The following ARRB1 variants were observed in gnomAD, a reference collection of about 807,000 sequenced individuals.
ARRB1 encodes the protein arrestin beta 1.
A neutral mutation model predicts 56.8 loss-of-function variants in ARRB1; 21 were observed. The observed-to-expected ratio is 0.37, with a 90% CI of 0.26 to 0.53. The LOEUF (loss-of-function observed/expected upper bound fraction) is 0.53, where lower values mean the gene tolerates loss of function less well. Ranked by LOEUF, ARRB1 falls within the 20% of genes least tolerant of loss-of-function variation. The pLI, the probability that ARRB1 is intolerant of heterozygous loss-of-function variation, is 0.88. For missense variants in ARRB1, 424 were observed against 553.7 expected (o/e 0.77, Z 2.35); for synonymous variants, 210 against 218.6 (o/e 0.96, Z 0.35).
At position 75,329,064 on chromosome 11, in the gene ARRB1, G is replaced by T. The variant is rs1947481112; in HGVS notation, c.20+22524C>A. The stretch of plus-strand genomic sequence containing the variant: ...ACACACTAGAAACAGCACTTCGCTG[G>T]GACCATTCCTTCCTGCTGTGTAACT... On this transcript the variant is annotated intron_variant, in intron 1 of 15. Transcript: ENST00000420843. 2.0e-5 allele frequency among the ~76,000 whole-genome samples: 3 copies of T among 151,820 alleles called. No homozygotes were observed. The South Asian group carries it at 6.2e-4, about 32-fold the overall frequency.
At chr11:75,283,092 G>A (rs1946385904) in intron 5 of ARRB1, among the ~76,000 whole-genome samples, 195 bp downstream of exon 5, 1 of 152,180 alleles carries the variant, frequency 6.6e-6, no homozygotes, top group Non-Finnish European at 1.5e-5. Flanking sequence ...AAAGGTACAG[G>A]TGACAAACCC....
At chr11:75,330,494 G>A (rs1200988954) in intron 1 of ARRB1, among the ~76,000 whole-genome samples, 1 of 152,184 alleles carries the variant, frequency 6.6e-6, no homozygotes, top group Non-Finnish European at 1.5e-5. Flanking sequence ...GCCTCCTAAG[G>A]ACAAGTTATT....
intron 1 of ARRB1, among the ~76,000 whole-genome samples, chr11:75,293,859 T>A (rs962373100): frequency 6.6e-6 from 1 of 152,146 alleles, no homozygotes; most frequent in Non-Finnish European, 1.5e-5. Flanking sequence ...TCTCTGCACC[T>A]CTCCTCCCGG....
chr11:75,276,959 C>A (rs1480967836), intron 9 of ARRB1, 48 bp from the exon 10 acceptor site: 1 of 1,592,494 alleles, frequency 6.3e-7, no homozygotes, highest in South Asian at 1.1e-5. Flanking sequence ...AATGTAGCTC[C>A]CATGGAGTCT....
intron 1 of ARRB1, among the ~76,000 whole-genome samples, chr11:75,310,284 G>A (rs754561830): frequency 2.1e-4 from 32 of 152,158 alleles, no homozygotes; most frequent in Non-Finnish European, 4.0e-4. Context: ...AAAGGCCAAC[G>A]TCTGTATGCG....
intron 1 of ARRB1, among the ~76,000 whole-genome samples, chr11:75,342,531 T>C (rs148910513): frequency 1.4e-4 from 22 of 152,274 alleles, no homozygotes; most frequent in African/African-American, 4.8e-4. Context: ...AGCTCCTTGA[T>C]CACCGGTGGG....
At chr11:75,276,704 T>C (rs1361939636) in intron 10 of ARRB1, 135 bp downstream of exon 10, 3 of 761,806 alleles carry the variant, frequency 3.9e-6, no homozygotes, top group Non-Finnish European at 6.5e-6. Flanking sequence ...TCATCTACTC[T>C]GAGTGGCAAG....
At chr11:75,326,049 A>G (rs1947428459) in intron 1 of ARRB1, among the ~76,000 whole-genome samples, 1 of 152,188 alleles carries the variant, frequency 6.6e-6, no homozygotes, top group Non-Finnish European at 1.5e-5. Context: ...CCTCAAACCT[A>G]GGGCACCAGC....
At chr11:75,327,301 CAA>C (rs777940901) in intron 1 of ARRB1, among the ~76,000 whole-genome samples, 23 of 60,264 alleles carry the variant, frequency 3.8e-4, no homozygotes, top group African/African-American at 1.2e-3. Flanking sequence ...AACTCCATCT[CAA>C]AAAAAAAAAA....
intron 15 of ARRB1, among the ~76,000 whole-genome samples, chr11:75,266,957 C>T (rs969110678): frequency 2.6e-5 from 4 of 152,140 alleles, no homozygotes; most frequent in Admixed American, 6.5e-5. Flanking sequence ...TTAAGAACAG[C>T]GAGTTCCCTT....
At position 75,266,267 on chromosome 11, in the gene ARRB1, C is replaced by T. The variant is rs1363127351; in HGVS notation, c.1153G>A (p.Asp385Asn). ...CGAGCAAAGTCCTCAAATACAATGT[C>T]GTCATCACTGGTGGGAGAGACAAGG... ...NLIELDTNDDDIVFEDFARQR... is the reference protein window; with the variant it reads ...NLIELDTNDDNIVFEDFARQR... Residue 385 changes from aspartate (D) to asparagine (N), a missense_variant, in exon 16 of 16, where the codon GAC becomes AAC. Physicochemically the swap from Asp to Asn is conservative, Grantham distance 23 (BLOSUM62 1). Around this residue, in one of 3 missense-constraint regions of ARRB1, gnomAD observed 121 missense variants for 147.3 expected, o/e 0.82. Transcript: ENST00000420843. The T allele has an allele frequency of 2.5e-6, 4 of 1,613,802 alleles. No individual in the cohort carries two copies. Among genetic ancestry groups the T allele is most frequent in the Non-Finnish European group, 3.4e-6 (4 of 1,179,674 alleles).
At chr11:75,274,693 G>A (rs2140409173) in intron 10 of ARRB1, 1 of 154,336 alleles carries the variant, frequency 6.5e-6, no homozygotes, top group East Asian at 1.9e-4. Flanking sequence ...TCAGGAGGCT[G>A]AGCCAGGAGA....
Position 75,277,422 on chromosome 11 carries a change from G to A in ARRB1, c.645C>T (p.Ser215=), listed in dbSNP as rs751380305. 15 of 1,614,048 alleles carry A rather than the reference G, an allele frequency of 9.3e-6. No individual in the cohort carries two copies. The highest frequency in any genetic ancestry group is 1.6e-4 in the Middle Eastern group (1 of 6,082). Residue 215 remains serine (S), a synonymous_variant, in exon 9 of 16, where the codon AGC becomes AGT. Coordinates refer to ENST00000420843, the MANE Select transcript of ARRB1 (RefSeq NM_004041.5). ...TGTTGTTGGTGACGTGGACGTTGAC[G>A]CTGATGGGTTCTCCATGGTAATAGA... The part of the protein sequence containing the change: ...KEIYYHGEPI[S]VNVHVTNNTN...
intron 1 of ARRB1, among the ~76,000 whole-genome samples, chr11:75,346,918 C>T (rs1160910312): frequency 6.6e-6 from 1 of 152,216 alleles, no homozygotes; most frequent in African/African-American, 2.4e-5. Context: ...ACAGACTGCC[C>T]TGGCTCCCTC....
chr11:75,336,624 T>A (rs1332638039), intron 1 of ARRB1, among the ~76,000 whole-genome samples: 1 of 152,186 alleles, frequency 6.6e-6, no homozygotes. Context: ...ACTGAGACTG[T>A]CCCAGGAAAA....
intron 1 of ARRB1, among the ~76,000 whole-genome samples, chr11:75,325,774 C>G (rs145478334): frequency 0.016 from 2,373 of 152,298 alleles, 25 homozygotes; most frequent in Non-Finnish European, 0.023. Context: ...CATTACCTTC[C>G]AGGCACCCCC....
chr11:75,274,640 A>C (rs995565006), intron 10 of ARRB1: 17 of 157,550 alleles, frequency 1.1e-4, no homozygotes, highest in Non-Finnish European at 1.4e-4. Context: ...AAATACAAAA[A>C]AATTAGCCGG....
intron 2 of ARRB1, 35 bp from the exon 3 acceptor site, chr11:75,287,410 G>T: frequency 6.4e-7 from 1 of 1,550,746 alleles, no homozygotes; most frequent in Non-Finnish European, 8.7e-7. Context: ...GTTAGCAGCT[G>T]CAGGCCCAGA....
chr11:75,280,292 C>T (rs1173856375), intron 7 of ARRB1, among the ~76,000 whole-genome samples: 1 of 152,158 alleles, frequency 6.6e-6, no homozygotes, highest in Non-Finnish European at 1.5e-5. Flanking sequence ...CACACAGCTG[C>T]CAGGGCTGCA....
Sources: allele counts gnomAD v4.1 joint callset (sites outside exome capture counted in the v4.1 genomes callset), GRCh38; gene constraint gnomAD v4.1.1; regional missense constraint gnomAD v4.1.1; transcripts MANE v1.5; gene names NCBI Gene and HGNC (gene_info 2026-07-23, HGNC 2026-07-21).